TXN2: variants seen among roughly 807,000 people sequenced by gnomAD.
The protein encoded by TXN2 is thioredoxin, mitochondrial.
In TXN2, 12 loss-of-function variants were observed where a neutral mutation model predicts 14.6. The ratio of observed to expected loss-of-function variants is 0.82; its 90% confidence interval spans 0.53 to 1.33. The LOEUF (loss-of-function observed/expected upper bound fraction) is 1.33, where lower values mean the gene tolerates loss of function less well. Among genes scored for constraint, TXN2 ranks in the 40% most tolerant of loss-of-function variants. The pLI is 0.00. For synonymous variants in TXN2, 89 were observed against 81.0 expected, an observed-to-expected ratio of 1.10 and a Z score of -0.53; for missense variants, 173 against 207.7, an observed-to-expected ratio of 0.83 and a Z score of 1.03.
chr22:36,476,818 T>G lies in TXN2; in HGVS notation c.302A>C (p.Glu101Ala), dbSNP rs1304128046. Residue 101 changes from glutamate (E) to alanine (A), a missense_variant, in exon 3 of 4, where the codon GAG (glutamate) becomes GCG (alanine). By Grantham distance (107) the Glu-to-Ala change is moderately radical (BLOSUM62 -1). Transcript: ENST00000216185. Reference sequence around the variant, plus strand: ...CCCGTGCTGCTTGGCCACCATCTTCTCTAACCTCGGCCCCAGGATCTTGCA... The same window carrying G: ...CCCGTGCTGCTTGGCCACCATCTTCGCTAACCTCGGCCCCAGGATCTTGCA... The part of the protein sequence containing the change: ...GPCKILGPRL[E>A]KMVAKQHGKV... The G allele has an allele frequency of 1.2e-6, 2 of 1,613,952 alleles. No individual in the cohort carries two copies. Among genetic ancestry groups the G allele is most frequent in the East Asian group, 4.5e-5 (2 of 44,888 alleles).
At position 36,467,518 on chromosome 22, in the gene TXN2, C is replaced by T; in HGVS notation, c.*286G>A. 2.5e-6 allele frequency: 1 copy of T among 393,468 alleles called. No homozygotes were observed. Among genetic ancestry groups the T allele is most frequent in the Admixed American group, 3.6e-5 (1 of 27,542 alleles). 24.4% of individuals were successfully genotyped at this position (393,468 alleles called of 1,614,324 possible). A position where few individuals can be genotyped will look rare whatever the true frequency, so the allele number is the denominator to read the frequency against. On this transcript the variant is annotated 3_prime_UTR_variant, in exon 4 of 4. Transcript: ENST00000216185. The stretch of plus-strand genomic sequence containing the variant: ...TGACTAGGAACGCTGTGGGCTGGCC[C>T]AGGCTCTCGCCACACATCCTGGGAG...
At chr22:36,472,865 A>G (rs1320380649) in intron 3 of TXN2, among the ~76,000 whole-genome samples, 2 of 150,250 alleles carry the variant, frequency 1.3e-5, no homozygotes, top group Non-Finnish European at 3.0e-5. Context: ...TCCTCCCCAC[A>G]GAAAGTCAGT....
At chr22:36,468,982 G>A (rs1933216474) in intron 3 of TXN2, among the ~76,000 whole-genome samples, 1 of 150,314 alleles carries the variant, frequency 6.7e-6, no homozygotes, top group Non-Finnish European at 1.5e-5. Flanking sequence ...GTGGAGGCTG[G>A]AGTCAGTGGA....
At position 36,471,257 on chromosome 22, in the gene TXN2, C is replaced by T. The variant is rs553176549; in HGVS notation, c.388-3340G>A. Among the ~76,000 whole-genome samples the T allele has an allele frequency of 5.9e-5, 9 of 152,294 alleles. No homozygotes were observed. In the South Asian group the frequency reaches 8.3e-4, roughly 14 times the overall value. On this transcript the variant is annotated intron_variant, in intron 3 of 3. Coordinates refer to ENST00000216185, the MANE Select transcript of TXN2 (RefSeq NM_012473.4). The stretch of plus-strand genomic sequence containing the variant: ...CTACGACGTGTTGCCTGTCCTGTTC[C>T]GTGAAGCCACTTGGAACCTCCTATC...
intron 3 of TXN2, among the ~76,000 whole-genome samples, chr22:36,469,881 G>A (rs113041816): frequency 0.023 from 3,573 of 152,188 alleles, 134 homozygotes; most frequent in African/African-American, 0.083. Flanking sequence ...GCTTGAACCC[G>A]GGAGGCAGAG....
At chr22:36,475,582 C>T (rs913404268) in intron 3 of TXN2, among the ~76,000 whole-genome samples, 16 of 152,184 alleles carry the variant, frequency 1.1e-4, no homozygotes, top group Non-Finnish European at 2.1e-4. Context: ...TGGCTGCTTT[C>T]GGCTACGAGC....
At chr22:36,480,089 G>C (rs1474763621) in intron 2 of TXN2, among the ~76,000 whole-genome samples, 2 of 152,032 alleles carry the variant, frequency 1.3e-5, no homozygotes, top group African/African-American at 4.8e-5. Context: ...CACCATGTTG[G>C]CCAGGCTGGT....
Position 36,467,629 on chromosome 22 carries a change from T to C in TXN2, c.*175A>G. On this transcript the variant is annotated 3_prime_UTR_variant, in exon 4 of 4. Coordinates refer to ENST00000216185, the MANE Select transcript of TXN2 (RefSeq NM_012473.4). ...CGGATCAGCAGCAGCACCACCATCC[T>C]CTGATGGCCCCTGGGCAGTCCGCCA... 1 of 569,596 alleles carries C rather than the reference T, an allele frequency of 1.8e-6. No homozygotes were observed. The highest frequency in any genetic ancestry group is 3.2e-6 in the Non-Finnish European group (1 of 311,058). The allele number at this position is 569,596 out of a possible 1,614,324, so 35.3% of individuals were successfully genotyped here.
At chr22:36,476,900 C>T in intron 2 of TXN2, 44 bp from the exon 3 acceptor site, 1 of 1,612,538 alleles carries the variant, frequency 6.2e-7, no homozygotes, top group Middle Eastern at 1.7e-4. Context: ...CAAAAGAGCG[C>T]TCAGCATCCC....
chr22:36,479,178 G>C (rs1334618581), intron 2 of TXN2, among the ~76,000 whole-genome samples: 1 of 152,124 alleles, frequency 6.6e-6, no homozygotes, highest in African/African-American at 2.4e-5. Context: ...GAAAAACCCA[G>C]TGTGCAAGAC....
intron 3 of TXN2, among the ~76,000 whole-genome samples, chr22:36,473,959 G>A (rs951689681): frequency 6.6e-6 from 1 of 152,212 alleles, no homozygotes. Context: ...GGCCCTCAGG[G>A]GGTGTCTGCT....
In TXN2 at chr22:36,467,836, A is replaced by G. The variant is rs368164379; in HGVS notation, c.469T>C (p.Leu157=). Residue 157 remains leucine (L), a synonymous_variant, in exon 4 of 4, where the codon TTG becomes CTG. Transcript: ENST00000216185. The stretch of plus-strand genomic sequence containing the variant: ...ATCAGCTTCTTCAGGAAGGCCTCCA[A>G]CTGATCCTCATCCTTGATGCCCACA... ...KFVGIKDEDQ[L]EAFLKKLIG is the part of the protein sequence containing the mutation. 46 of 1,614,072 alleles carry G rather than the reference A, an allele frequency of 2.8e-5. No individual in the cohort carries two copies. Among genetic ancestry groups the G allele is most frequent in the Non-Finnish European group, 3.9e-5 (46 of 1,180,040 alleles).
Position 36,480,500 on chromosome 22 carries a change from C to T in TXN2, c.263+75G>A, listed in dbSNP as rs545658270. 9.7e-6 allele frequency: 15 copies of T among 1,550,120 alleles called. No homozygotes were observed. In the Admixed American group the frequency reaches 1.4e-4, roughly 14 times the overall value. Reference sequence around the variant, plus strand: ...ACATATGAGCAGCATAGAACATGGCCGTGGGACACAGCAGGCATTCAATAA... The same window carrying T: ...ACATATGAGCAGCATAGAACATGGCTGTGGGACACAGCAGGCATTCAATAA... On this transcript the variant is annotated intron_variant, in intron 2 of 3. Transcript: ENST00000216185.
intron 3 of TXN2, among the ~76,000 whole-genome samples, chr22:36,475,103 C>T (rs1353765030): frequency 2.0e-5 from 3 of 152,248 alleles, no homozygotes; most frequent in African/African-American, 2.4e-5. Context: ...ACCCGCTGGG[C>T]GCGGTGGCTT....
intron 3 of TXN2, among the ~76,000 whole-genome samples, chr22:36,475,235 C>CA (rs1555885017): frequency 1.1e-3 from 167 of 152,122 alleles, no homozygotes; most frequent in Non-Finnish European, 2.0e-3. Context: ...AAAAATTAGC[C>CA]GGCGTGGTGG....
intron 3 of TXN2, chr22:36,468,739 T>C (rs755057039): frequency 1.4e-5 from 6 of 431,004 alleles, no homozygotes; most frequent in Non-Finnish European, 2.3e-5. Context: ...AGAGAAAGAT[T>C]TGAGTATAAA....
In TXN2 at chr22:36,471,201, G is replaced by C. The variant is rs551266069; in HGVS notation, c.388-3284C>G. ...TTTGAGTGTGAAAGAGGCAGTGACT[G>C]AGCCAACTGAGGGGCTGAGGAAAAG... On this transcript the variant is annotated intron_variant, in intron 3 of 3. Transcript: ENST00000216185. Among the ~76,000 whole-genome samples, 3 of 152,330 alleles carry C rather than the reference G, an allele frequency of 2.0e-5. No individual in the cohort carries two copies. The East Asian group carries it at 5.8e-4, about 29-fold the overall frequency.
At chr22:36,476,670 C>T in intron 3 of TXN2, 63 bp downstream of exon 3, 1 of 1,606,144 alleles carries the variant, frequency 6.2e-7, no homozygotes. Context: ...CCTACACCAG[C>T]TATCCCTGGG....
intron 3 of TXN2, among the ~76,000 whole-genome samples, chr22:36,473,668 A>G (rs369879184): frequency 2.6e-4 from 39 of 152,322 alleles, no homozygotes; most frequent in African/African-American, 8.9e-4. Flanking sequence ...GGCTGAGACC[A>G]AGTGATGTGG....
Sources: allele counts gnomAD v4.1 joint callset (sites outside exome capture counted in the v4.1 genomes callset), GRCh38; gene constraint gnomAD v4.1.1; transcripts MANE v1.5; gene names NCBI Gene and HGNC (gene_info 2026-07-23, HGNC 2026-07-21).